NFIA: variants seen among roughly 807,000 people sequenced by gnomAD.
NFIA encodes the protein nuclear factor I A, also known as nuclear factor 1 A-type.
Under a neutral mutation model 62.8 loss-of-function variants are expected in NFIA, and 8 were observed. The ratio of observed to expected loss-of-function variants is 0.13; its 90% CI spans 0.07 to 0.23. The LOEUF (loss-of-function observed/expected upper bound fraction) is 0.23, where lower values mean the gene tolerates loss of function less well. Among genes scored for constraint, NFIA ranks in the 10% least tolerant of loss-of-function variants. The pLI is 1.00. For synonymous variants in NFIA, 235 were observed against 238.1 expected (o/e 0.99, Z 0.12); for missense variants, 410 against 642.1 (o/e 0.64, Z 3.91).
At chr1:61,242,044 G>A (rs1200204092) in intron 2 of NFIA, among the ~76,000 whole-genome samples, 2 of 152,124 alleles carry the variant, frequency 1.3e-5, no homozygotes, top group African/African-American at 4.8e-5. Flanking sequence ...ACAGGTTTAA[G>A]ATTTATTTTA....
At chr1:61,121,688 C>T (rs1308934907) in intron 2 of NFIA, among the ~76,000 whole-genome samples, 2 of 152,036 alleles carry the variant, frequency 1.3e-5, no homozygotes, top group Non-Finnish European at 2.9e-5. Flanking sequence ...CTCTTACCCT[C>T]AATAAGTTAA....
chr1:61,138,049 G>A (rs1426675294), intron 2 of NFIA, among the ~76,000 whole-genome samples: 1 of 151,292 alleles, frequency 6.6e-6, no homozygotes, highest in Non-Finnish European at 1.5e-5. Context: ...AAGAGCAAGA[G>A]TATTTTTTTC....
At position 61,121,303 on chromosome 1, in the gene NFIA, G is replaced by A. The variant is rs538088667; in HGVS notation, c.559+32623G>A. On this transcript the variant is annotated intron_variant, in intron 2 of 10. Coordinates refer to ENST00000403491, the MANE Select transcript of NFIA (RefSeq NM_001134673.4). Reference sequence around the variant, plus strand: ...CCTTCTCTTTTGGGAAAGAAAACATGTGAATTCTTTGGTTTCTAGATAGAA... The same window carrying A: ...CCTTCTCTTTTGGGAAAGAAAACATATGAATTCTTTGGTTTCTAGATAGAA... Among the ~76,000 whole-genome samples the A allele has an allele frequency of 3.9e-5, 6 of 152,150 alleles. No homozygotes were observed. In the East Asian group the frequency reaches 1.2e-3, roughly 29 times the overall value.
At chr1:61,078,722 G>A (rs934782062), upstream of NFIA, among the ~76,000 whole-genome samples, 1 of 152,202 alleles carries the variant, frequency 6.6e-6, no homozygotes, top group Admixed American at 6.5e-5. Context: ...TGCTTTTTAA[G>A]TATATGGTCA....
intron 9 of NFIA, among the ~76,000 whole-genome samples, chr1:61,409,446 C>T (rs189947069): frequency 1.2e-3 from 176 of 152,220 alleles, no homozygotes; most frequent in African/African-American, 3.9e-3. Context: ...TAATTTATAG[C>T]GTAGGAGAAG....
Position 61,335,172 on chromosome 1 carries a change from C to T in NFIA, c.700+2586C>T, listed in dbSNP as rs1418138812. Among the ~76,000 whole-genome samples the T allele has an allele frequency of 2.6e-5, 4 of 152,320 alleles. No homozygotes were observed. In the East Asian group the frequency reaches 7.7e-4, roughly 29 times the overall value. On this transcript the variant is annotated intron_variant, in intron 4 of 10. Transcript: ENST00000403491. ...TCTGGGACTCACTCACACATGGCCTCGTGCTGACGGAAACTGTTTGGCAAG... is the reference window on the plus strand; with the variant it reads ...TCTGGGACTCACTCACACATGGCCTTGTGCTGACGGAAACTGTTTGGCAAG...
At chr1:61,242,931 A>G (rs1257156237) in intron 2 of NFIA, among the ~76,000 whole-genome samples, 1 of 152,108 alleles carries the variant, frequency 6.6e-6, no homozygotes, top group Non-Finnish European at 1.5e-5. Flanking sequence ...TTGTTCAGTC[A>G]TGGAGCCCTT....
chr1:61,124,932 A>G (rs1038472042), intron 2 of NFIA: 1 of 152,180 alleles, frequency 6.6e-6, no homozygotes, highest in Admixed American at 6.5e-5. Context: ...TTCTGAAATG[A>G]CAAGAGAGCC....
intron 3 of NFIA, among the ~76,000 whole-genome samples, chr1:61,323,572 A>G (rs902319425): frequency 4.6e-5 from 7 of 152,214 alleles, no homozygotes; most frequent in South Asian, 2.1e-4. Flanking sequence ...AATGTCACCA[A>G]TGAGTGGCAG....
At chr1:61,388,020 T>C (rs1664790439) in intron 7 of NFIA, among the ~76,000 whole-genome samples, 1 of 152,206 alleles carries the variant, frequency 6.6e-6, no homozygotes, top group South Asian at 2.1e-4. Flanking sequence ...TAGAGACATG[T>C]GGTTTCTTAA....
At chr1:61,114,022 A>G (rs1646754203) in intron 2 of NFIA, among the ~76,000 whole-genome samples, 1 of 152,182 alleles carries the variant, frequency 6.6e-6, no homozygotes, top group African/African-American at 2.4e-5. Context: ...GAGTAGAGTG[A>G]CAGACAGTGG....
At chr1:61,280,981 C>T (rs1658093613) in intron 3 of NFIA, among the ~76,000 whole-genome samples, 6 of 152,150 alleles carry the variant, frequency 3.9e-5, no homozygotes, top group South Asian at 4.1e-4. Flanking sequence ...CAGTGGCTCA[C>T]GCCTATAATC....
intron 2 of NFIA, among the ~76,000 whole-genome samples, chr1:61,248,341 A>C (rs1440425946): frequency 6.6e-6 from 1 of 152,222 alleles, no homozygotes; most frequent in Non-Finnish European, 1.5e-5. Flanking sequence ...TTTCGTAAAA[A>C]TGCACAGAAC....
At chr1:61,177,537 G>C (rs982407655) in intron 2 of NFIA, among the ~76,000 whole-genome samples, 1 of 152,110 alleles carries the variant, frequency 6.6e-6, no homozygotes, top group Admixed American at 6.5e-5. Flanking sequence ...ATTCTAACAA[G>C]ATAATCAAAG....
At chr1:61,354,744 C>G (rs1662737275) in intron 5 of NFIA, among the ~76,000 whole-genome samples, 2 of 152,174 alleles carry the variant, frequency 1.3e-5, no homozygotes, top group South Asian at 4.1e-4. Context: ...TCTAGCATCT[C>G]TATTCCTCCC....
At chr1:61,245,330 A>C (rs1655574311) in intron 2 of NFIA, among the ~76,000 whole-genome samples, 1 of 152,148 alleles carries the variant, frequency 6.6e-6, no homozygotes, top group African/African-American at 2.4e-5. Context: ...CTTCATTATA[A>C]CATCCCCTGA....
chr1:61,195,186 A>G (rs935375558), intron 2 of NFIA, among the ~76,000 whole-genome samples: 2 of 152,168 alleles, frequency 1.3e-5, no homozygotes, highest in African/African-American at 4.8e-5. Context: ...CTTGGTGTAC[A>G]TTTGTAAGTT....
chr1:61,257,387 G>A (rs1353706080), intron 2 of NFIA, among the ~76,000 whole-genome samples: 1 of 135,364 alleles, frequency 7.4e-6, no homozygotes, highest in African/African-American at 2.8e-5. Context: ...ACCCAGGCTG[G>A]AGTGCAGTGG....
At chr1:61,339,849 AC>A (rs1661806540) in intron 4 of NFIA, among the ~76,000 whole-genome samples, 1 of 151,988 alleles carries the variant, frequency 6.6e-6, no homozygotes, top group South Asian at 2.1e-4. Context: ...GAGTATCCCC[AC>A]CCTTAGACTG....
Sources: allele counts gnomAD v4.1 joint callset (sites outside exome capture counted in the v4.1 genomes callset), GRCh38; gene constraint gnomAD v4.1.1; transcripts MANE v1.5; gene names NCBI Gene and HGNC (gene_info 2026-07-23, HGNC 2026-07-21).